Variants in SGCD observed in about 807,000 individuals in gnomAD.
SGCD encodes the protein delta-sarcoglycan.
SGCD carries 18 observed loss-of-function variants against 36.6 expected under a neutral mutation model. That is an observed-to-expected ratio of 0.49 (90% CI 0.34 to 0.73). The LOEUF is 0.73. Among genes scored for constraint, SGCD ranks in the 30% least tolerant of loss-of-function variants. SGCD has a pLI of 0.01. For missense variants in SGCD, 387 were observed against 346.7 expected (o/e 1.12, Z -0.92); for synonymous variants, 133 against 130.6 (o/e 1.02, Z -0.12).
rs397883573 is a variant in SGCD at position 156,449,677 on chromosome 5, C to CAAAAAAAAAA, written c.193-58908_193-58899dup. Among the ~76,000 whole-genome samples the CAAAAAAAAAA allele has an allele frequency of 1.2e-3, 53 of 46,014 alleles. 1 individual carries two copies. The highest frequency in any genetic ancestry group is 1.5e-3 in the Admixed American group (5 of 3,308). 30.2% of individuals were successfully genotyped at this position (46,014 alleles called of 152,430 possible). On this transcript the variant is annotated intron_variant, in intron 3 of 8. Coordinates refer to ENST00000337851, the MANE Select transcript of SGCD (RefSeq NM_000337.6). ...TGAAACTCCGTCTCTACTAAAAATA[C>CAAAAAAAAAA]AAAAAAAAAAAAAAAAAAAAAAAAA...
At chr5:155,912,639 A>G (rs1460024991) in intron 1 of SGCD, among the ~76,000 whole-genome samples, 1 of 152,102 alleles carries the variant, frequency 6.6e-6, no homozygotes, top group East Asian at 1.9e-4. Flanking sequence ...TGTTGAATGT[A>G]TGTTTCCCTC....
Position 156,765,101 on chromosome 5 carries a change from C to A in SGCD, c.*5711C>A, listed in dbSNP as rs761825596. 2.6e-5 allele frequency: 4 copies of A among 151,968 alleles called. No individual in the cohort carries two copies. Among genetic ancestry groups the A allele is most frequent in the African/African-American group, 9.7e-5 (4 of 41,280 alleles). 9.4% of individuals were successfully genotyped at this position (151,968 alleles called of 1,614,324 possible). A position where few individuals can be genotyped will look rare whatever the true frequency, so the allele number is the denominator to read the frequency against. On this transcript the variant is annotated 3_prime_UTR_variant, in exon 9 of 9. Transcript: ENST00000337851. Reference sequence around the variant, plus strand: ...CACAAATATGAGGCCGACTTCTTTGCGAGAAGAGAAAAGAAAACATCTGCT... The same window carrying A: ...CACAAATATGAGGCCGACTTCTTTGAGAGAAGAGAAAAGAAAACATCTGCT...
chr5:156,520,988 G>A (rs545514652), intron 4 of SGCD, among the ~76,000 whole-genome samples: 2 of 128,424 alleles, frequency 1.6e-5, no homozygotes, highest in Admixed American at 9.3e-5. Flanking sequence ...CTGCACACCA[G>A]CCTGAGTGAC....
chr5:156,730,092 C>G (rs1370264479), intron 7 of SGCD, among the ~76,000 whole-genome samples: 7 of 152,156 alleles, frequency 4.6e-5, no homozygotes, highest in Non-Finnish European at 1.0e-4. Flanking sequence ...CAGACCTACA[C>G]TAAAGACAAT....
intron 3 of SGCD, among the ~76,000 whole-genome samples, chr5:156,164,443 G>A (rs1023656079): frequency 6.6e-6 from 1 of 151,726 alleles, no homozygotes; most frequent in Non-Finnish European, 1.5e-5. Flanking sequence ...TCCCACCCTT[G>A]CAGCTCCTTT....
chr5:156,576,158 A>G (rs1243985265), intron 4 of SGCD, among the ~76,000 whole-genome samples: 9 of 150,792 alleles, frequency 6.0e-5, no homozygotes, highest in African/African-American at 2.2e-4. Context: ...CCCACCTATG[A>G]GTGAGAACAT....
At chr5:155,956,798 C>A (rs1238110122) in intron 1 of SGCD, among the ~76,000 whole-genome samples, 1 of 58,062 alleles carries the variant, frequency 1.7e-5, no homozygotes, top group Admixed American at 1.5e-4. Context: ...GGACTCAGGG[C>A]CCCCCCCCCC....
chr5:156,120,546 A>G (rs1762013562), intron 2 of SGCD, among the ~76,000 whole-genome samples: 1 of 152,198 alleles, frequency 6.6e-6, no homozygotes, highest in Non-Finnish European at 1.5e-5. Context: ...AACAAAGTGC[A>G]TGGCAAAGAT....
chr5:155,866,206 T>A (rs957795718), upstream of SGCD, among the ~76,000 whole-genome samples: 4 of 152,228 alleles, frequency 2.6e-5, no homozygotes, highest in Admixed American at 1.3e-4. Context: ...CACAAATGAA[T>A]ATTCCCCCTC....
chr5:156,250,266 T>G (rs895181662), intron 3 of SGCD, among the ~76,000 whole-genome samples: 2 of 152,216 alleles, frequency 1.3e-5, no homozygotes, highest in African/African-American at 4.8e-5. Flanking sequence ...CGAGGTACCT[T>G]TCTAAATTGA....
chr5:156,301,483 G>A (rs1227221661), intron 3 of SGCD, among the ~76,000 whole-genome samples: 1 of 151,934 alleles, frequency 6.6e-6, no homozygotes, highest in Non-Finnish European at 1.5e-5. Context: ...AGTTGCTGTA[G>A]TTATTATTTT....
intron 6 of SGCD, among the ~76,000 whole-genome samples, chr5:156,640,653 A>C (rs192085963): frequency 1.3e-5 from 2 of 152,156 alleles, no homozygotes. Context: ...TTAACTTGCA[A>C]TTCCTAAATA....
chr5:156,638,754 G>A (rs1762924134), intron 6 of SGCD, among the ~76,000 whole-genome samples: 1 of 152,038 alleles, frequency 6.6e-6, no homozygotes, highest in South Asian at 2.1e-4. Context: ...ATGAGTTCCG[G>A]TCTATTGGTT....
At chr5:156,698,345 T>A (rs1270730628) in intron 7 of SGCD, among the ~76,000 whole-genome samples, 1 of 152,208 alleles carries the variant, frequency 6.6e-6, no homozygotes, top group African/African-American at 2.4e-5. Context: ...TAAAGATTTC[T>A]CTGGCAACTG....
In SGCD at chr5:156,053,811, C is replaced by T. The variant is rs982785439; in HGVS notation, c.-281-64067C>T. Among the ~76,000 whole-genome samples, 16 of 146,462 alleles carry T rather than the reference C, an allele frequency of 1.1e-4. No individual in the cohort carries two copies. In the East Asian group the frequency reaches 2.3e-3, roughly 21 times the overall value. On this transcript the variant is annotated intron_variant, in intron 1 of 9. Coordinates refer to the SGCD transcript ENST00000517913. ...AAATTTATTGCTCACAGTTATGGGG[C>T]CTGCAAAGTTCAAAATCAAGATGCT... is the stretch of plus-strand genomic sequence containing the variant.
chr5:155,745,139 G>A, the SGCD span, among the ~76,000 whole-genome samples: 2 of 151,698 alleles, frequency 1.3e-5, no homozygotes, highest in East Asian at 1.9e-4. Flanking sequence ...TTTAATAATA[G>A]GAAAAAAATA....
chr5:156,471,948 C>T (rs773871358), intron 3 of SGCD, among the ~76,000 whole-genome samples: 5 of 148,572 alleles, frequency 3.4e-5, no homozygotes, highest in Non-Finnish European at 1.5e-5. Flanking sequence ...TTTAAAAGGG[C>T]AAAAGACTTA....
the SGCD span, among the ~76,000 whole-genome samples, chr5:155,778,611 C>T: frequency 3.3e-5 from 3 of 91,610 alleles, no homozygotes; most frequent in East Asian, 4.3e-4. Flanking sequence ...TAAGGCTACA[C>T]GTTTATTTTT....
the SGCD span, among the ~76,000 whole-genome samples, chr5:155,816,119 G>A: frequency 6.6e-6 from 1 of 152,102 alleles, no homozygotes; most frequent in African/African-American, 2.4e-5. Context: ...AAGGATAAAA[G>A]CAAATAGAAT....
Sources: allele counts gnomAD v4.1 joint callset (sites outside exome capture counted in the v4.1 genomes callset), GRCh38; gene constraint gnomAD v4.1.1; transcripts MANE v1.5; gene names NCBI Gene and HGNC (gene_info 2026-07-23, HGNC 2026-07-21).